The following LRP1B variants were observed in gnomAD, a reference collection of about 807,000 sequenced individuals.
The protein encoded by LRP1B is LDL receptor related protein 1B.
In LRP1B, 217 loss-of-function variants were observed where a neutral mutation model predicts 556.6. That is an observed-to-expected ratio of 0.39 (90% CI 0.35 to 0.44). LRP1B has a LOEUF of 0.44. Among genes scored for constraint, LRP1B ranks in the 20% least tolerant of loss-of-function variants. The pLI, the probability that LRP1B is intolerant of heterozygous loss-of-function variation, is 1.00. For synonymous variants in LRP1B, 2,047 were observed against 1,865.8 expected, an observed-to-expected ratio of 1.10 and a Z score of -2.50; for missense variants, 5,053 against 5,620.8, an observed-to-expected ratio of 0.90 and a Z score of 3.23.
intron 2 of LRP1B, among the ~76,000 whole-genome samples, chr2:141,791,549 T>G (rs752011487): frequency 6.6e-6 from 1 of 152,088 alleles, no homozygotes; most frequent in Non-Finnish European, 1.5e-5. Context: ...GATCAGACTT[T>G]AGTAGTGCCT....
chr2:141,525,702 C>T lies in LRP1B; in HGVS notation c.206-45169G>A, dbSNP rs542973604. On this transcript the variant is annotated intron_variant, in intron 2 of 90. Transcript: ENST00000389484. ...TGATATGCCATACTAAGTCATTTCA[C>T]TGGTCATAGGAGAAAATACATACAT... 7.9e-5 allele frequency among the ~76,000 whole-genome samples: 12 copies of T among 152,038 alleles called. No individual in the cohort carries two copies. The South Asian group carries it at 1.7e-3, about 21-fold the overall frequency.
chr2:141,265,865 G>T (rs181174364), intron 3 of LRP1B, among the ~76,000 whole-genome samples: 1 of 152,100 alleles, frequency 6.6e-6, no homozygotes, highest in Admixed American at 6.5e-5. Context: ...AAAAATATTT[G>T]TGCTCTCCCT....
chr2:141,178,844 TGAA>T, intron 7 of LRP1B, among the ~76,000 whole-genome samples: 1 of 82,216 alleles, frequency 1.2e-5, no homozygotes, highest in Non-Finnish European at 2.7e-5. Context: ...CCTTGATTCT[TGAA>T]TAACTCCTTG....
chr2:141,315,405 G>A (rs1367955488), intron 3 of LRP1B, among the ~76,000 whole-genome samples: 1 of 150,806 alleles, frequency 6.6e-6, no homozygotes, highest in Non-Finnish European at 1.5e-5. Context: ...GACTACAAAC[G>A]CCTGCCACCA....
rs1681425021 is a variant in LRP1B at position 140,342,103 on chromosome 2, A to G, written c.11893-6265T>C. ...GCTGGTGAGGCTATGTAAGTATTAT[A>G]TAACTATTTATTTGTGAATTCATTT... On this transcript the variant is annotated intron_variant, in intron 77 of 90. Coordinates refer to ENST00000389484, the MANE Select transcript of LRP1B (RefSeq NM_018557.3). Among the ~76,000 whole-genome samples the G allele has an allele frequency of 2.0e-5, 3 of 151,672 alleles. No homozygotes were observed. In the South Asian group the frequency reaches 6.2e-4, roughly 31 times the overall value.
At chr2:141,274,406 T>C (rs947407865) in intron 3 of LRP1B, among the ~76,000 whole-genome samples, 4 of 152,168 alleles carry the variant, frequency 2.6e-5, no homozygotes, top group Non-Finnish European at 5.9e-5. Flanking sequence ...AGCTACAACA[T>C]GAGTAAAACT....
chr2:140,274,361 A>T (rs2104951389), intron 85 of LRP1B, 63 bp downstream of exon 85: 1 of 1,401,290 alleles, frequency 7.1e-7, no homozygotes, highest in Non-Finnish European at 1.0e-6. Context: ...ACTATTTATT[A>T]CTGAACTGCA....
At chr2:140,693,994 C>T (rs1686336077) in intron 41 of LRP1B, among the ~76,000 whole-genome samples, 1 of 152,202 alleles carries the variant, frequency 6.6e-6, no homozygotes, top group Non-Finnish European at 1.5e-5. Flanking sequence ...AGGCATGAGC[C>T]ACCGCTCCAG....
At chr2:141,663,754 G>C (rs1353095395) in intron 2 of LRP1B, among the ~76,000 whole-genome samples, 1 of 152,038 alleles carries the variant, frequency 6.6e-6, no homozygotes, top group Admixed American at 6.6e-5. Context: ...AATTCTACCA[G>C]AGGTACATAG....
At chr2:141,281,453 T>TA (rs1685506298) in intron 3 of LRP1B, among the ~76,000 whole-genome samples, 1 of 152,070 alleles carries the variant, frequency 6.6e-6, no homozygotes, top group Non-Finnish European at 1.5e-5. Context: ...CTTATATAAA[T>TA]ATGCCAATCA....
chr2:140,553,056 C>T (rs1407635275), intron 43 of LRP1B, among the ~76,000 whole-genome samples: 2 of 151,908 alleles, frequency 1.3e-5, no homozygotes, highest in Admixed American at 1.3e-4. Context: ...AATGTTAAAC[C>T]AAACGATTTA....
At chr2:141,874,742 GAA>G (rs998835451) in intron 1 of LRP1B, among the ~76,000 whole-genome samples, 3 of 150,942 alleles carry the variant, frequency 2.0e-5, no homozygotes, top group African/African-American at 7.3e-5. Flanking sequence ...GTAACTTAAG[GAA>G]AAAAAATAAA....
At chr2:142,098,283 A>C (rs991031981) in intron 1 of LRP1B, among the ~76,000 whole-genome samples, 1 of 151,830 alleles carries the variant, frequency 6.6e-6, no homozygotes, top group Non-Finnish European at 1.5e-5. Context: ...TTTAGACATT[A>C]CTGAATCTTA....
chr2:141,359,567 G>T (rs2105560748), intron 3 of LRP1B, among the ~76,000 whole-genome samples: 1 of 152,200 alleles, frequency 6.6e-6, no homozygotes, highest in East Asian at 1.9e-4. Context: ...ACCAGCCTGG[G>T]CAAGATGGTG....
At chr2:140,813,123 T>C (rs1241509391) in intron 32 of LRP1B, among the ~76,000 whole-genome samples, 2 of 152,124 alleles carry the variant, frequency 1.3e-5, no homozygotes, top group Non-Finnish European at 2.9e-5. Context: ...CCTAGCACCT[T>C]TTTTTCCCTA....
At chr2:141,771,980 G>C (rs1694915241) in intron 2 of LRP1B, among the ~76,000 whole-genome samples, 1 of 151,956 alleles carries the variant, frequency 6.6e-6, no homozygotes, top group South Asian at 2.1e-4. Context: ...CACCACGCCT[G>C]GCTAATTTTT....
chr2:140,910,615 G>A (rs1694391932), intron 21 of LRP1B, among the ~76,000 whole-genome samples: 1 of 151,532 alleles, frequency 6.6e-6, no homozygotes, highest in Non-Finnish European at 1.5e-5. Context: ...AAATACAAGG[G>A]TTCTTTTAAA....
At chr2:140,702,058 G>C (rs1686664219) in intron 39 of LRP1B, 83 bp downstream of exon 39, 1 of 1,492,364 alleles carries the variant, frequency 6.7e-7, no homozygotes, top group African/African-American at 1.4e-5. Context: ...ACCTTGCTAA[G>C]AAATGGTAAA....
chr2:140,874,885 G>A (rs538078329), intron 25 of LRP1B, among the ~76,000 whole-genome samples: 2 of 152,070 alleles, frequency 1.3e-5, no homozygotes, highest in African/African-American at 4.8e-5. Context: ...GGGGCGTGGT[G>A]GCAGGCACCT....
Sources: allele counts gnomAD v4.1 joint callset (sites outside exome capture counted in the v4.1 genomes callset), GRCh38; gene constraint gnomAD v4.1.1; transcripts MANE v1.5; gene names NCBI Gene and HGNC (gene_info 2026-07-23, HGNC 2026-07-21).